Variants in PTPRT observed in about 807,000 individuals in gnomAD.
PTPRT encodes receptor-type tyrosine-protein phosphatase T.
In PTPRT, 56 loss-of-function variants were observed where a neutral mutation model predicts 176.8. The observed-to-expected ratio is 0.32, with a 90% CI of 0.26 to 0.40. The LOEUF (loss-of-function observed/expected upper bound fraction) is 0.40, where lower values mean the gene tolerates loss of function less well. Ranked by LOEUF, PTPRT falls within the 10% of genes least tolerant of loss-of-function variation. PTPRT has a pLI of 1.00. For synonymous variants in PTPRT, 783 were observed against 739.0 expected, an observed-to-expected ratio of 1.06 and a Z score of -0.96; for missense variants, 1,540 against 1,908.2, an observed-to-expected ratio of 0.81 and a Z score of 3.60.
At chr20:42,046,791 G>GTGTGTGTGTGTC in the PTPRT span, among the ~76,000 whole-genome samples, 402 of 152,158 alleles carry the variant, frequency 2.6e-3, no homozygotes, top group Non-Finnish European at 3.6e-3. Flanking sequence ...GTGTGTGTGT[G>GTGTGTGTGTGTC]TGTGTCTGTG....
chr20:42,753,612 G>C (rs572908098), intron 6 of PTPRT, among the ~76,000 whole-genome samples: 4 of 152,180 alleles, frequency 2.6e-5, no homozygotes, highest in Admixed American at 1.3e-4. Flanking sequence ...CTGCAGGTGA[G>C]TGGCTTCAGA....
At chr20:42,472,230 T>A in intron 8 of PTPRT, 36 bp downstream of exon 8, 2 of 1,592,058 alleles carry the variant, frequency 1.3e-6, no homozygotes, top group Non-Finnish European at 8.6e-7. Context: ...AGATTCAATA[T>A]CCCCATTCCC....
At chr20:42,875,049 T>A (rs936162245) in intron 2 of PTPRT, among the ~76,000 whole-genome samples, 5 of 152,192 alleles carry the variant, frequency 3.3e-5, no homozygotes, top group Non-Finnish European at 7.3e-5. Flanking sequence ...ACTTTTTTAG[T>A]TGAACGATGC....
intron 1 of PTPRT, among the ~76,000 whole-genome samples, chr20:43,184,670 A>T (rs1327865327): frequency 3.3e-5 from 5 of 151,618 alleles, no homozygotes; most frequent in Non-Finnish European, 7.4e-5. Flanking sequence ...CCGGCGACAG[A>T]GCAGTGAGAC....
At chr20:42,628,292 C>A (rs977343612) in intron 7 of PTPRT, among the ~76,000 whole-genome samples, 2 of 152,126 alleles carry the variant, frequency 1.3e-5, no homozygotes, top group Non-Finnish European at 2.9e-5. Flanking sequence ...AGCAGAGAAG[C>A]TTTCAACCAC....
intron 16 of PTPRT, among the ~76,000 whole-genome samples, chr20:42,163,159 T>A (rs972593064): frequency 1.3e-5 from 2 of 152,150 alleles, no homozygotes; most frequent in Non-Finnish European, 2.9e-5. Flanking sequence ...CTAATCTGAC[T>A]GGTCTGACTT....
intron 17 of PTPRT, among the ~76,000 whole-genome samples, chr20:42,158,211 GC>G (rs1989442820): frequency 6.6e-6 from 1 of 152,094 alleles, no homozygotes; most frequent in Non-Finnish European, 1.5e-5. Context: ...TATATAATTT[GC>G]TTATTTTTTT....
At chr20:42,162,684 C>T (rs967550645) in intron 16 of PTPRT, among the ~76,000 whole-genome samples, 2 of 152,252 alleles carry the variant, frequency 1.3e-5, no homozygotes, top group African/African-American at 4.8e-5. Flanking sequence ...TTTTCAGACC[C>T]TGCAAAACAC....
At chr20:42,729,271 G>C (rs967447460) in intron 6 of PTPRT, among the ~76,000 whole-genome samples, 38 of 152,176 alleles carry the variant, frequency 2.5e-4, no homozygotes, top group Admixed American at 1.6e-3. Context: ...CTACCCAGGG[G>C]GGTCGGTCTA....
intron 9 of PTPRT, among the ~76,000 whole-genome samples, chr20:42,366,310 C>T (rs955203300): frequency 9.2e-5 from 14 of 152,228 alleles, no homozygotes; most frequent in South Asian, 2.1e-4. Flanking sequence ...TGCAGAGACA[C>T]ATGCTCCATT....
At chr20:42,442,871 G>A (rs1461938878) in intron 9 of PTPRT, among the ~76,000 whole-genome samples, 1 of 152,152 alleles carries the variant, frequency 6.6e-6, no homozygotes, top group Non-Finnish European at 1.5e-5. Flanking sequence ...ACCTCATTCT[G>A]GCTATAAGTG....
intron 9 of PTPRT, among the ~76,000 whole-genome samples, chr20:42,386,266 A>G (rs2058743267): frequency 6.6e-6 from 1 of 152,178 alleles, no homozygotes; most frequent in South Asian, 2.1e-4. Context: ...TGGGACTAAT[A>G]AAAGGTATTA....
chr20:42,552,974 C>T (rs1197001350), intron 7 of PTPRT, among the ~76,000 whole-genome samples: 4 of 152,056 alleles, frequency 2.6e-5, no homozygotes, highest in Non-Finnish European at 5.9e-5. Context: ...CCTTGAGTAG[C>T]GGTACAGTCA....
intron 15 of PTPRT, among the ~76,000 whole-genome samples, chr20:42,204,604 C>T (rs1269743246): frequency 1.3e-5 from 2 of 152,132 alleles, no homozygotes; most frequent in Non-Finnish European, 2.9e-5. Flanking sequence ...GACGAGGTGA[C>T]GCGGCCATAG....
intron 22 of PTPRT, among the ~76,000 whole-genome samples, chr20:42,114,091 G>A (rs1449964793): frequency 1.3e-5 from 2 of 152,234 alleles, no homozygotes; most frequent in African/African-American, 4.8e-5. Context: ...TAAGTCCCCA[G>A]TGCTTTTGCA....
intron 7 of PTPRT, among the ~76,000 whole-genome samples, chr20:42,501,544 C>T (rs1407829759): frequency 1.3e-5 from 2 of 152,120 alleles, no homozygotes; most frequent in African/African-American, 4.8e-5. Flanking sequence ...TTCTCTTCCG[C>T]CTGCCAACAA....
chr20:42,865,421 C>T (rs1399745742), intron 2 of PTPRT, among the ~76,000 whole-genome samples: 7 of 152,212 alleles, frequency 4.6e-5, no homozygotes, highest in Non-Finnish European at 4.4e-5. Flanking sequence ...GAACACTTCA[C>T]TCATCCCCTA....
At chr20:42,356,391 G>A (rs949656427) in intron 9 of PTPRT, among the ~76,000 whole-genome samples, 4 of 152,060 alleles carry the variant, frequency 2.6e-5, no homozygotes, top group Non-Finnish European at 5.9e-5. Flanking sequence ...ACCAAAGCAG[G>A]TGCTTCATAA....
At chr20:42,239,606 T>C (rs1783585803) in intron 14 of PTPRT, among the ~76,000 whole-genome samples, 1 of 151,778 alleles carries the variant, frequency 6.6e-6, no homozygotes, top group Non-Finnish European at 1.5e-5. Flanking sequence ...GTATTTTTAG[T>C]AGAGACGGGG....
Sources: allele counts gnomAD v4.1 joint callset (sites outside exome capture counted in the v4.1 genomes callset), GRCh38; gene constraint gnomAD v4.1.1; transcripts MANE v1.5; gene names NCBI Gene and HGNC (gene_info 2026-07-23, HGNC 2026-07-21).